The following SCML4 variants were observed in gnomAD, a reference collection of about 807,000 sequenced individuals.
SCML4 encodes Scm polycomb group protein like 4.
In SCML4, 34 loss-of-function variants were observed where a neutral mutation model predicts 41.1. That is an observed-to-expected ratio of 0.83 (90% confidence interval 0.63 to 1.10). The LOEUF (loss-of-function observed/expected upper bound fraction) is 1.10. SCML4 is among the 50% of genes least tolerant of loss of function. SCML4 has a pLI of 0.00. For missense variants in SCML4, 522 were observed against 534.1 expected, an observed-to-expected ratio of 0.98 and a Z score of 0.22; for synonymous variants, 214 against 220.9, an observed-to-expected ratio of 0.97 and a Z score of 0.28.
chr6:107,839,063 G>A, the SCML4 span, among the ~76,000 whole-genome samples: 1 of 152,134 alleles, frequency 6.6e-6, no homozygotes, highest in Admixed American at 6.6e-5. Flanking sequence ...ACTTTGGGAG[G>A]CCAAGGCAGG....
At chr6:107,772,426 A>G (rs1309004475) in intron 1 of SCML4, 40 bp from the exon 2 acceptor site, 14 of 1,204,152 alleles carry the variant, frequency 1.2e-5, no homozygotes, top group Non-Finnish European at 1.6e-5. Context: ...CAAAAACAGA[A>G]GGGTTTGTTT....
intron 1 of SCML4, among the ~76,000 whole-genome samples, chr6:107,802,580 G>GAGGAAGGAAGGAAGGA (rs1163058698): frequency 1.4e-4 from 5 of 36,462 alleles, no homozygotes; most frequent in African/African-American, 2.4e-4. Context: ...GGGAGGGAGG[G>GAGGAAGGAAGGAAGGA]AGGAAGGAAG....
chr6:107,714,220 A>G (rs1336005899), intron 6 of SCML4, among the ~76,000 whole-genome samples: 18 of 152,212 alleles, frequency 1.2e-4, no homozygotes, highest in Admixed American at 1.1e-3. Flanking sequence ...TCTAGAAACA[A>G]GGAGAGACCA....
the SCML4 span, among the ~76,000 whole-genome samples, chr6:107,834,977 G>C: frequency 3.3e-5 from 5 of 150,920 alleles, no homozygotes; most frequent in African/African-American, 1.2e-4. Flanking sequence ...AAATTTCAGG[G>C]AGGAAAAAAA....
At chr6:107,782,156 C>A (rs1276700797) in intron 1 of SCML4, among the ~76,000 whole-genome samples, 2 of 152,198 alleles carry the variant, frequency 1.3e-5, no homozygotes, top group Non-Finnish European at 2.9e-5. Context: ...TTCCAGCCTG[C>A]AGGATTCGGA....
intron 6 of SCML4, among the ~76,000 whole-genome samples, chr6:107,708,526 G>T (rs115967279): frequency 6.6e-6 from 1 of 152,146 alleles, no homozygotes; most frequent in Non-Finnish European, 1.5e-5. Context: ...GTGGCTTTTC[G>T]TTCTTCTCCA....
chr6:107,721,939 A>C (rs962787417), intron 5 of SCML4, among the ~76,000 whole-genome samples: 5 of 151,056 alleles, frequency 3.3e-5, no homozygotes, highest in African/African-American at 1.2e-4. Context: ...AAGTCTGCCA[A>C]CCTCATCATC....
chr6:107,721,942 T>G (rs1162315953), intron 5 of SCML4, among the ~76,000 whole-genome samples: 2 of 150,796 alleles, frequency 1.3e-5, no homozygotes, highest in Non-Finnish European at 2.9e-5. Flanking sequence ...TCTGCCAACC[T>G]CATCATCAGC....
chr6:107,845,215 G>A, the SCML4 span, among the ~76,000 whole-genome samples: 1 of 151,866 alleles, frequency 6.6e-6, no homozygotes, highest in Non-Finnish European at 1.5e-5. Flanking sequence ...CAGCCCGGGC[G>A]ACAGAGCTAG....
At chr6:107,747,339 C>A (rs1778220753) in intron 3 of SCML4, among the ~76,000 whole-genome samples, 2 of 152,130 alleles carry the variant, frequency 1.3e-5, no homozygotes, top group African/African-American at 4.8e-5. Context: ...CACTATCACT[C>A]CAGAGACTAT....
intron 4 of SCML4, 130 bp downstream of exon 4, chr6:107,746,558 TA>T: frequency 1.3e-6 from 1 of 748,934 alleles, no homozygotes; most frequent in Non-Finnish European, 2.2e-6. Flanking sequence ...CACAGGCTCA[TA>T]AAGACCCTAG....
intron 6 of SCML4, chr6:107,720,444 A>C: frequency 8.7e-7 from 1 of 1,155,560 alleles, no homozygotes; most frequent in East Asian, 4.4e-5. Context: ...TTTCTATGGT[A>C]TTTGAGCCTG....
chr6:107,768,085 A>G (rs1356967780), intron 2 of SCML4, among the ~76,000 whole-genome samples: 1 of 146,826 alleles, frequency 6.8e-6, no homozygotes, highest in Non-Finnish European at 1.5e-5. Flanking sequence ...ACTCGGTGAG[A>G]CTTCATCTGT....
intron 6 of SCML4, among the ~76,000 whole-genome samples, chr6:107,714,380 T>A (rs1005628250): frequency 1.3e-5 from 2 of 152,074 alleles, no homozygotes; most frequent in African/African-American, 4.8e-5. Context: ...TCCTCCTGCT[T>A]ATTCCAGCCA....
Position 107,711,411 on chromosome 6 carries a change from C to T in SCML4, c.974-3400G>A, listed in dbSNP as rs1025063683. ...GCCTAGTGATTTGTGTTGCAATTTT[C>T]TCCAGTATTCAGTACAGTAACATGC... On this transcript the variant is annotated intron_variant, in intron 6 of 7. Coordinates refer to ENST00000369020, the MANE Select transcript of SCML4 (RefSeq NM_198081.5). 4.6e-5 allele frequency among the ~76,000 whole-genome samples: 7 copies of T among 152,288 alleles called. No homozygotes were observed. The South Asian group carries it at 1.4e-3, about 32-fold the overall frequency.
At chr6:107,824,371 G>C (rs955812707), upstream of SCML4, 1 of 152,040 alleles carries the variant, frequency 6.6e-6, no homozygotes, top group East Asian at 1.9e-4. Flanking sequence ...TTTCCATTAC[G>C]ATGACAGCTT....
chr6:107,769,892 T>C (rs1210724951), intron 2 of SCML4, among the ~76,000 whole-genome samples: 1 of 152,130 alleles, frequency 6.6e-6, no homozygotes, highest in Non-Finnish European at 1.5e-5. Context: ...GTAAACAAAT[T>C]CTGATGGAAG....
rs570420100 is a variant in SCML4, at chr6:107,720,857, G to A, written c.819C>T (p.Asn273=). 5.6e-6 allele frequency: 9 copies of A among 1,614,210 alleles called. No individual in the cohort carries two copies. In the South Asian group the frequency reaches 9.9e-5, roughly 18 times the overall value. ...CACCCCCAAGGTGGCTGTCTCCAGAGTTCTGCCTCTTGCAGTACAGCGAGG... is the reference window on the plus strand; with the variant it reads ...CACCCCCAAGGTGGCTGTCTCCAGAATTCTGCCTCTTGCAGTACAGCGAGG... The part of the protein sequence containing the change: ...PSSSLYCKRQ[N]SGDSHLGGGP... Residue 273 remains asparagine, a synonymous_variant, in exon 6 of 8, where the codon AAC becomes AAT. Transcript: ENST00000369020.
intron 2 of SCML4, chr6:107,755,666 TAAAAA>T: frequency 5.7e-6 from 6 of 1,060,762 alleles, no homozygotes; most frequent in South Asian, 1.6e-5. Flanking sequence ...CTTAGGTTTC[TAAAAA>T]AAAAAAAAAA....
Sources: gnomAD v4.1 joint callset for allele counts (sites outside exome capture counted in the v4.1 genomes callset) on GRCh38, gnomAD v4.1.1 for gene constraint, MANE v1.5 for transcripts, NCBI Gene and HGNC (gene_info 2026-07-23, HGNC 2026-07-21) for gene names.